Variants in RP1 observed in about 807,000 individuals in gnomAD.
The protein encoded by RP1 is RP1 axonemal microtubule associated.
A neutral mutation model predicts 14.8 loss-of-function variants in RP1; 16 were observed. That is an observed-to-expected ratio of 1.08 (90% confidence interval 0.73 to 1.65). The LOEUF (loss-of-function observed/expected upper bound fraction) is 1.65, where lower values mean the gene tolerates loss of function less well. Among genes scored for constraint, RP1 ranks in the 40% most tolerant of loss-of-function variants. RP1 has a pLI of 0.00. For synonymous variants in RP1, 876 were observed against 883.6 expected, an observed-to-expected ratio of 0.99 and a Z score of 0.15; for missense variants, 2,631 against 2,535.0, an observed-to-expected ratio of 1.04 and a Z score of -0.81.
chr8:54,710,791 C>T (rs531472854), intron 15 of RP1, among the ~76,000 whole-genome samples: 1 of 152,330 alleles, frequency 6.6e-6, no homozygotes, highest in Non-Finnish European at 1.5e-5. Flanking sequence ...CTTATCCTCT[C>T]TACCGACTGA....
intron 24 of RP1, among the ~76,000 whole-genome samples, chr8:54,826,100 T>A (rs11991647): frequency 0.32 from 47,941 of 151,882 alleles, 7,724 homozygotes; most frequent in South Asian, 0.37. Context: ...GCAAAAAAAG[T>A]TGTAATAAGA....
intron 7 of RP1, chr8:54,673,805 C>A: frequency 7.2e-7 from 1 of 1,395,640 alleles, no homozygotes; most frequent in Non-Finnish European, 9.8e-7. Context: ...TGGTATAAAT[C>A]AGAGTTATAG....
chr8:54,566,763 T>C (rs1804417155), intron 1 of RP1, among the ~76,000 whole-genome samples: 4 of 152,114 alleles, frequency 2.6e-5, no homozygotes, highest in Non-Finnish European at 4.4e-5. Flanking sequence ...TCCACCCCAG[T>C]CATTTGAAAG....
intron 3 of RP1, among the ~76,000 whole-genome samples, chr8:54,645,415 T>TGTA (rs1410127993): frequency 2.0e-5 from 3 of 152,188 alleles, no homozygotes; most frequent in Non-Finnish European, 2.9e-5. Context: ...AGTTATTATA[T>TGTA]GTAGTGCTCT....
chr8:54,609,164 C>T (rs555507992), intron 1 of RP1, among the ~76,000 whole-genome samples: 25 of 152,254 alleles, frequency 1.6e-4, no homozygotes, highest in African/African-American at 5.8e-4. Flanking sequence ...CAGGAAAGAA[C>T]AGTCTCCTGG....
At chr8:54,609,571 A>G (rs963016383) in intron 1 of RP1, among the ~76,000 whole-genome samples, 1 of 152,166 alleles carries the variant, frequency 6.6e-6, no homozygotes, top group Non-Finnish European at 1.5e-5. Flanking sequence ...AATGCCCCCC[A>G]CAAGCCTACT....
chr8:54,849,014 C>T (rs2005562), intron 25 of RP1, among the ~76,000 whole-genome samples: 43 of 151,896 alleles, frequency 2.8e-4, no homozygotes, highest in African/African-American at 7.5e-4. Context: ...CTCCCAAAGT[C>T]CCGGGATTAC....
intron 1 of RP1, among the ~76,000 whole-genome samples, chr8:54,576,920 CTGAT>C (rs1448640972): frequency 6.6e-6 from 1 of 152,176 alleles, no homozygotes; most frequent in Non-Finnish European, 1.5e-5. Context: ...TTTGATTAAA[CTGAT>C]TGATCAGGAT....
chr8:54,735,717 G>T (rs1289466211), intron 18 of RP1, among the ~76,000 whole-genome samples: 2 of 152,178 alleles, frequency 1.3e-5, no homozygotes, highest in Admixed American at 6.5e-5. Flanking sequence ...TGCACAGGCA[G>T]CCATACCTTA....
At chr8:54,690,220 T>G (rs1280601836) in intron 12 of RP1, among the ~76,000 whole-genome samples, 1 of 152,060 alleles carries the variant, frequency 6.6e-6, no homozygotes, top group African/African-American at 2.4e-5. Context: ...CTGAGGTCAT[T>G]GCTAATAGTT....
chr8:54,623,372 A>C (rs1424482474), intron 3 of RP1, among the ~76,000 whole-genome samples: 1 of 152,230 alleles, frequency 6.6e-6, no homozygotes, highest in Non-Finnish European at 1.5e-5. Context: ...AAAGCATATC[A>C]AAAATAAGAA....
Position 54,624,838 on chromosome 8 carries a change from T to C in RP1, c.956T>C (p.Ile319Thr), listed in dbSNP as rs746704157. ...CCAATATATCCTTCTGAAGATGATA[T>C]TGAGAAATCAATTATTTTTAATCAA... ...NLPIYPSEDDIEKSIIFNQDG... is the reference protein window; with the variant it reads ...NLPIYPSEDDTEKSIIFNQDG... The change falls in exon 4 of 4, where the codon ATT becomes ACT. Residue 319 changes from isoleucine (I) to threonine (T), a missense_variant. Transcript: ENST00000220676. 6.2e-7 allele frequency: 1 copy of C among 1,613,602 alleles called. No individual in the cohort carries two copies. The highest frequency in any genetic ancestry group is 8.5e-7 in the Non-Finnish European group (1 of 1,179,828).
chr8:54,590,151 T>C (rs1043727017), intron 1 of RP1, among the ~76,000 whole-genome samples: 5 of 152,206 alleles, frequency 3.3e-5, no homozygotes, highest in African/African-American at 1.2e-4. Flanking sequence ...CTTCCCTGTC[T>C]TGGAAAATCT....
chr8:54,815,393 A>G (rs1811114910), intron 24 of RP1, among the ~76,000 whole-genome samples: 1 of 152,246 alleles, frequency 6.6e-6, no homozygotes, highest in South Asian at 2.1e-4. Context: ...AAAATAATCA[A>G]TTAACCAATA....
chr8:54,696,213 T>C (rs1807857823), intron 12 of RP1, among the ~76,000 whole-genome samples: 1 of 152,150 alleles, frequency 6.6e-6, no homozygotes, highest in Non-Finnish European at 1.5e-5. Context: ...AATTAAATAA[T>C]TCCATGCTAA....
chr8:54,805,861 T>C (rs1231016618), intron 24 of RP1, among the ~76,000 whole-genome samples: 1 of 152,024 alleles, frequency 6.6e-6, no homozygotes, highest in Non-Finnish European at 1.5e-5. Context: ...AGTGATCAGG[T>C]GTGTTTCCCA....
At chr8:54,725,443 A>G (rs917508707) in intron 16 of RP1, among the ~76,000 whole-genome samples, 1 of 152,204 alleles carries the variant, frequency 6.6e-6, no homozygotes, top group African/African-American at 2.4e-5. Context: ...AAGGATATAA[A>G]TAACAATGTA....
intron 19 of RP1, among the ~76,000 whole-genome samples, chr8:54,742,318 C>T (rs1485751064): frequency 3.9e-5 from 6 of 152,178 alleles, no homozygotes; most frequent in Non-Finnish European, 8.8e-5. Context: ...CTGATAGAGT[C>T]TAGCAAAATG....
intron 24 of RP1, among the ~76,000 whole-genome samples, chr8:54,807,364 G>A (rs1810877704): frequency 6.6e-6 from 1 of 152,104 alleles, no homozygotes. Context: ...AGAAATTATG[G>A]TAGTTACATG....
Sources: allele counts gnomAD v4.1 joint callset (sites outside exome capture counted in the v4.1 genomes callset), GRCh38; gene constraint gnomAD v4.1.1; transcripts MANE v1.5; gene names NCBI Gene and HGNC (gene_info 2026-07-23, HGNC 2026-07-21).